ERI1: variants seen among roughly 807,000 people sequenced by gnomAD.
ERI1 encodes the protein exoribonuclease 1.
A neutral mutation model predicts 39.7 loss-of-function variants in ERI1; 39 were observed. That is an observed-to-expected ratio of 0.98 (90% CI 0.76 to 1.28). The LOEUF (loss-of-function observed/expected upper bound fraction) is 1.28. Ranked by LOEUF, ERI1 falls within the 50% of genes most tolerant of loss-of-function variation. ERI1 has a pLI of 0.00. For synonymous variants in ERI1, 204 were observed against 149.6 expected, an observed-to-expected ratio of 1.36 and a Z score of -2.65; for missense variants, 581 against 416.9, an observed-to-expected ratio of 1.39 and a Z score of -3.43.
chr8:9,014,155 C>A (rs1312247117), intron 3 of ERI1, among the ~76,000 whole-genome samples: 4 of 152,196 alleles, frequency 2.6e-5, no homozygotes, highest in African/African-American at 4.8e-5. Context: ...TCTTACTACT[C>A]TTTTCCTTAA....
intron 3 of ERI1, among the ~76,000 whole-genome samples, chr8:9,094,732 C>G (rs73522709): frequency 0.029 from 4,426 of 152,208 alleles, 189 homozygotes; most frequent in South Asian, 0.11. Context: ...ATTTCATCTC[C>G]TGTAGGACGG....
chr8:9,018,447 A>C, intron 5 of ERI1, 41 bp downstream of exon 5: 8 of 1,092,604 alleles, frequency 7.3e-6, no homozygotes, highest in Non-Finnish European at 1.1e-5. Context: ...TCTACTTTTT[A>C]AAGATTAAAG....
At chr8:9,078,748 A>G (rs1414135902) in intron 3 of ERI1, among the ~76,000 whole-genome samples, 1 of 152,216 alleles carries the variant, frequency 6.6e-6, no homozygotes, top group Non-Finnish European at 1.5e-5. Flanking sequence ...CTTTGTTACA[A>G]CAAAGCCTTC....
chr8:9,015,956 C>T (rs954348447), intron 3 of ERI1, among the ~76,000 whole-genome samples: 20 of 152,124 alleles, frequency 1.3e-4, no homozygotes, highest in African/African-American at 4.3e-4. Context: ...GGCATTTCTT[C>T]AAAAGAATTT....
At chr8:9,093,169 C>T (rs966708387) in intron 3 of ERI1, among the ~76,000 whole-genome samples, 2 of 152,240 alleles carry the variant, frequency 1.3e-5, no homozygotes, top group African/African-American at 4.8e-5. Flanking sequence ...AATCTTTTGA[C>T]TTCCCTGGGC....
At position 9,085,608 on chromosome 8, in the gene ERI1, C is replaced by T. The variant is rs1199518450; in HGVS notation, n.300-30740C>T. Among the ~76,000 whole-genome samples, 5 of 151,442 alleles carry T rather than the reference C, an allele frequency of 3.3e-5. No homozygotes were observed. The East Asian group carries it at 5.9e-4, about 18-fold the overall frequency. On this transcript the variant is annotated intron_variant and non_coding_transcript_variant, in intron 3 of 3. Transcript: ENST00000518663. ...CTTGTGTACTAAACTTGTAGAGTGT[C>T]GTGGTTGTGATAAAGACTGTAATGG...
chr8:9,023,949 C>T (rs981181222), intron 6 of ERI1, among the ~76,000 whole-genome samples: 1 of 151,914 alleles, frequency 6.6e-6, no homozygotes, highest in Non-Finnish European at 1.5e-5. Flanking sequence ...CAGGCATGTG[C>T]CACCACGTCT....
At chr8:9,039,998 A>G (rs1362998308) in intron 3 of ERI1, among the ~76,000 whole-genome samples, 2 of 152,234 alleles carry the variant, frequency 1.3e-5, no homozygotes, top group African/African-American at 4.8e-5. Flanking sequence ...AATATTCAGC[A>G]TCACTAAACT....
At chr8:9,077,928 C>T (rs868670193) in intron 3 of ERI1, among the ~76,000 whole-genome samples, 2 of 152,210 alleles carry the variant, frequency 1.3e-5, no homozygotes, top group Non-Finnish European at 2.9e-5. Context: ...GCGCTGCTTT[C>T]TTCCTGTGTT....
chr8:9,016,282 C>T, intron 3 of ERI1, 40 bp from the exon 4 acceptor site: 1 of 1,305,674 alleles, frequency 7.7e-7, no homozygotes, highest in South Asian at 1.3e-5. Context: ...TGTATCTTAA[C>T]TCATATAAAT....
chr8:9,036,359 C>T (rs73524258), downstream of ERI1, among the ~76,000 whole-genome samples: 2,193 of 152,282 alleles, frequency 0.014, 42 homozygotes, highest in African/African-American at 0.05. Flanking sequence ...ATCTTCATCA[C>T]CTACCACCCT....
chr8:9,039,738 T>C (rs1797958660), intron 3 of ERI1, among the ~76,000 whole-genome samples: 1 of 152,030 alleles, frequency 6.6e-6, no homozygotes, highest in African/African-American at 2.4e-5. Context: ...GCTTTTCCTA[T>C]AGAATGTTAT....
intron 3 of ERI1, among the ~76,000 whole-genome samples, chr8:9,077,418 A>G (rs1272559885): frequency 1.3e-5 from 2 of 152,194 alleles, no homozygotes; most frequent in Non-Finnish European, 2.9e-5. Flanking sequence ...GAGAAAAGGC[A>G]TACAAATTTA....
At chr8:9,039,016 T>G (rs1370462489) in intron 3 of ERI1, among the ~76,000 whole-genome samples, 1 of 152,226 alleles carries the variant, frequency 6.6e-6, no homozygotes, top group Non-Finnish European at 1.5e-5. Context: ...TCTTGTTTAT[T>G]TTTGTTGAAA....
At chr8:9,033,441 A>G (rs1248507461), downstream of ERI1, 1 of 152,206 alleles carries the variant, frequency 6.6e-6, no homozygotes, top group Non-Finnish European at 1.5e-5. Flanking sequence ...GCAAGGCCAA[A>G]AAATACTACT....
chr8:9,093,012 C>T (rs1248238748), intron 3 of ERI1, among the ~76,000 whole-genome samples: 2 of 152,236 alleles, frequency 1.3e-5, no homozygotes, highest in Non-Finnish European at 2.9e-5. Flanking sequence ...CGTTCACGTG[C>T]TGCTTTCCCC....
chr8:9,022,679 C>T (rs919832739), intron 6 of ERI1, among the ~76,000 whole-genome samples: 3 of 152,134 alleles, frequency 2.0e-5, no homozygotes, highest in Non-Finnish European at 2.9e-5. Flanking sequence ...GGATTATAGG[C>T]GTGAGCCACT....
rs796654719 is a variant in ERI1, at chr8:9,077,354, G to A, written n.300-38994G>A. Among the ~76,000 whole-genome samples the A allele has an allele frequency of 1.3e-5, 2 of 152,286 alleles. 1 individual carries two copies. The highest frequency in any genetic ancestry group is 4.8e-5 in the African/African-American group (2 of 41,562). The stretch of plus-strand genomic sequence containing the variant: ...AAAGGGAACTTTCCTTTTACCTTCT[G>A]AAGGTTCAATAATTTGAGTCCCTGG... On this transcript the variant is annotated intron_variant and non_coding_transcript_variant, in intron 3 of 3. Transcript: ENST00000518663.
chr8:9,077,632 G>C (rs546753357), intron 3 of ERI1, among the ~76,000 whole-genome samples: 1 of 152,316 alleles, frequency 6.6e-6, no homozygotes, highest in African/African-American at 2.4e-5. Flanking sequence ...AAGTGTCTCA[G>C]GCAGCAGACC....
Sources: allele counts gnomAD v4.1 joint callset (sites outside exome capture counted in the v4.1 genomes callset), GRCh38; gene constraint gnomAD v4.1.1; transcripts MANE v1.5; gene names NCBI Gene and HGNC (gene_info 2026-07-23, HGNC 2026-07-21).